The following TRMT11 variants were observed in gnomAD, a reference collection of about 807,000 sequenced individuals.
TRMT11 encodes tRNA (guanine(10)-N(2))-methyltransferase TRMT11.
TRMT11 carries 53 observed loss-of-function variants against 62.8 expected under a neutral mutation model. The ratio of observed to expected loss-of-function variants is 0.84; its 90% confidence interval spans 0.68 to 1.06. TRMT11 has a LOEUF of 1.06. Among genes scored for constraint, TRMT11 ranks in the 50% least tolerant of loss-of-function variants. TRMT11 has a pLI of 0.00. For synonymous variants in TRMT11, 188 were observed against 190.3 expected (o/e 0.99, Z 0.10); for missense variants, 556 against 553.4 (o/e 1.00, Z -0.05).
chr6:126,008,804 A>T (rs144045938), intron 8 of TRMT11: 203 of 456,304 alleles, frequency 4.4e-4, no homozygotes, highest in African/African-American at 3.2e-3. Flanking sequence ...AGTTATATGC[A>T]TATTTTTGAC....
chr6:126,252,057 C>T, the TRMT11 span, among the ~76,000 whole-genome samples: 2 of 152,170 alleles, frequency 1.3e-5, no homozygotes, highest in Non-Finnish European at 2.9e-5. Flanking sequence ...TAGCAAACTA[C>T]CACAACACTG....
At chr6:126,139,840 G>A (rs1169476646) in intron 21 of TRMT11, among the ~76,000 whole-genome samples, 1 of 151,826 alleles carries the variant, frequency 6.6e-6, no homozygotes, top group African/African-American at 2.4e-5. Context: ...TTTCTTAGAG[G>A]TTTTTTTGGT....
intron 17 of TRMT11, among the ~76,000 whole-genome samples, chr6:126,081,886 A>C (rs181763867): frequency 9.8e-5 from 15 of 152,326 alleles, no homozygotes. Context: ...AAGTACCGAA[A>C]GGAGAATCAT....
chr6:126,183,201 A>C (rs1435082978), intron 1 of TRMT11, among the ~76,000 whole-genome samples: 1 of 152,142 alleles, frequency 6.6e-6, no homozygotes, highest in Admixed American at 6.5e-5. Context: ...CCCCAAGCAC[A>C]TTAGTTCTTG....
rs1180335463 is a variant in TRMT11 at position 125,998,749 on chromosome 6, G to T, written c.522+65G>T. On this transcript the variant is annotated intron_variant, in intron 6 of 12. Transcript: ENST00000334379. ...TTGAAAGCTACTTATTAGGCCTTTT[G>T]TTGACTCCTATGTAGAACTTTAAAG... 8 of 1,510,130 alleles carry T rather than the reference G, an allele frequency of 5.3e-6. No individual in the cohort carries two copies. In the Admixed American group the frequency reaches 1.5e-4, roughly 29 times the overall value. 93.5% of individuals were successfully genotyped at this position (1,510,130 alleles called of 1,614,324 possible). A position where few individuals can be genotyped will look rare whatever the true frequency, so the allele number is the denominator to read the frequency against.
chr6:126,155,098 T>G (rs1328034927), intron 21 of TRMT11, among the ~76,000 whole-genome samples: 4 of 152,170 alleles, frequency 2.6e-5, no homozygotes, highest in Non-Finnish European at 4.4e-5. Context: ...GAAAAGATAT[T>G]TAATTGGCTT....
At chr6:126,110,181 G>T (rs1335512286) in intron 17 of TRMT11, among the ~76,000 whole-genome samples, 1 of 152,094 alleles carries the variant, frequency 6.6e-6, no homozygotes, top group Non-Finnish European at 1.5e-5. Flanking sequence ...ATCTGCTATG[G>T]AGGCATTATT....
intron 12 of TRMT11, among the ~76,000 whole-genome samples, chr6:126,033,483 A>C (rs772798062): frequency 5.9e-5 from 9 of 152,166 alleles, no homozygotes; most frequent in Non-Finnish European, 1.2e-4. Context: ...TCACGTTTAT[A>C]TACCTTTCTT....
At chr6:126,265,267 C>T in the TRMT11 span, among the ~76,000 whole-genome samples, 1 of 152,060 alleles carries the variant, frequency 6.6e-6, no homozygotes, top group Non-Finnish European at 1.5e-5. Context: ...ATTCACTTCA[C>T]CATATTTACT....
the TRMT11 span, among the ~76,000 whole-genome samples, chr6:126,266,165 A>T: frequency 6.6e-6 from 1 of 151,980 alleles, no homozygotes; most frequent in Non-Finnish European, 1.5e-5. Flanking sequence ...CTGATGACTC[A>T]GCTGGACTAA....
the TRMT11 span, among the ~76,000 whole-genome samples, chr6:126,228,240 C>T: frequency 2.6e-5 from 4 of 152,154 alleles, no homozygotes; most frequent in Non-Finnish European, 5.9e-5. Flanking sequence ...CAGTCCTGAT[C>T]GTTTTAAATG....
At position 125,998,068 on chromosome 6, in the gene TRMT11, A is replaced by G. The variant is rs748417767; in HGVS notation, c.228A>G (p.Leu76=). ...TATTTCCTAGGTCTATATTTGAACT[A>G]TGGGGTCATGGACAATCTCCTGAGG... ...RTVCAKSIFE[L]WGHGQSPEEL... is the part of the protein sequence containing the mutation. Residue 76 remains leucine (L), a synonymous_variant, in exon 4 of 13, where the codon CTA becomes CTG. Transcript: ENST00000334379. The G allele has an allele frequency of 5.0e-6, 8 of 1,612,116 alleles. No homozygotes were observed. Among genetic ancestry groups the G allele is most frequent in the East Asian group, 2.2e-5 (1 of 44,862 alleles).
At chr6:126,130,832 G>T (rs556083786) in intron 21 of TRMT11, among the ~76,000 whole-genome samples, 1 of 152,086 alleles carries the variant, frequency 6.6e-6, no homozygotes, top group Non-Finnish European at 1.5e-5. Context: ...AGTGACAAAT[G>T]ACTCTGGATG....
At chr6:126,148,379 A>G (rs778071819) in intron 21 of TRMT11, among the ~76,000 whole-genome samples, 1 of 152,222 alleles carries the variant, frequency 6.6e-6, no homozygotes, top group Non-Finnish European at 1.5e-5. Flanking sequence ...TGATTTATTT[A>G]ATTACATGCG....
downstream of TRMT11, among the ~76,000 whole-genome samples, chr6:126,041,852 C>G (rs540507179): frequency 2.2e-3 from 335 of 152,240 alleles, 4 homozygotes; most frequent in Non-Finnish European, 3.4e-3. Context: ...GGCTATGGTT[C>G]TGTTCCATTT....
At chr6:126,058,788 G>T (rs573548748) in intron 17 of TRMT11, among the ~76,000 whole-genome samples, 1 of 152,270 alleles carries the variant, frequency 6.6e-6, no homozygotes, top group South Asian at 2.1e-4. Flanking sequence ...TGAGAATACT[G>T]TAAGCATCTC....
In TRMT11 at chr6:126,168,082, A is replaced by G. The variant is rs140719062; in HGVS notation, c.*1824-6743A>G. ...GATTGATGTGGGCCTCATGAAACTC[A>G]GCTACAGTGGAGCCTCAGGAGACTA... On this transcript the variant is annotated intron_variant and NMD_transcript_variant, in intron 21 of 22. Transcript: ENST00000648977. Among the ~76,000 whole-genome samples the G allele has an allele frequency of 2.0e-5, 3 of 152,356 alleles. No homozygotes were observed. In the East Asian group the frequency reaches 5.8e-4, roughly 29 times the overall value.
At chr6:125,995,552 G>C (rs1194531233) in intron 2 of TRMT11, among the ~76,000 whole-genome samples, 1 of 152,024 alleles carries the variant, frequency 6.6e-6, no homozygotes, top group Non-Finnish European at 1.5e-5. Context: ...ACCCTCAGAT[G>C]GCCACACCTA....
At chr6:126,117,947 A>C (rs763750883) in intron 21 of TRMT11, among the ~76,000 whole-genome samples, 1 of 152,082 alleles carries the variant, frequency 6.6e-6, no homozygotes, top group Non-Finnish European at 1.5e-5. Flanking sequence ...CCTTACAGAC[A>C]AGGATCTTTT....
Sources: allele counts gnomAD v4.1 joint callset (sites outside exome capture counted in the v4.1 genomes callset), GRCh38; gene constraint gnomAD v4.1.1; transcripts MANE v1.5; gene names NCBI Gene and HGNC (gene_info 2026-07-23, HGNC 2026-07-21).